Variants in NID2 observed in about 807,000 individuals in gnomAD.
NID2 encodes nidogen-2.
NID2 carries 83 observed loss-of-function variants against 145.4 expected under a neutral mutation model. That is an observed-to-expected ratio of 0.57 (90% CI 0.48 to 0.69). The LOEUF is 0.69. Among genes scored for constraint, NID2 ranks in the 30% least tolerant of loss-of-function variants. The probability of loss-of-function intolerance (pLI) is 0.00; values close to 1 mark genes in which losing one functional copy is unlikely to be tolerated. For synonymous variants in NID2, 739 were observed against 701.3 expected (o/e 1.05, Z -0.85); for missense variants, 1,807 against 1,765.7 (o/e 1.02, Z -0.42).
In NID2 at chr14:52,040,752, A is replaced by G. The variant is rs961614997; in HGVS notation, c.1925T>C (p.Leu642Pro). Reference protein sequence around the residue: ...TAEGLDPENYLSIKTNIQGQV... With the variant: ...TAEGLDPENYPSIKTNIQGQV... ...GCCTTGAATGTTGGTCTTAATGCTC[A>G]GGTAGTTCTCTGGGTCAAGTCCCTC... The change falls in exon 8 of 22, where the codon CTG becomes CCG. Residue 642 changes from leucine (L) to proline (P), a missense_variant. Physicochemically the swap from Leu to Pro is moderately conservative, Grantham distance 98 (BLOSUM62 -3). Coordinates refer to ENST00000216286, the MANE Select transcript of NID2 (RefSeq NM_007361.4). The G allele has an allele frequency of 1.3e-5, 21 of 1,614,204 alleles. No homozygotes were observed. The highest frequency in any genetic ancestry group is 1.7e-5 in the Non-Finnish European group (20 of 1,180,012).
chr14:52,059,189 T>C (rs1892948192), intron 3 of NID2, among the ~76,000 whole-genome samples: 1 of 152,180 alleles, frequency 6.6e-6, no homozygotes, highest in South Asian at 2.1e-4. Context: ...GGAAAGTGTT[T>C]AGCATGATGC....
chr14:52,031,012 A>AACCT (rs1223212191), intron 9 of NID2, among the ~76,000 whole-genome samples: 2 of 152,234 alleles, frequency 1.3e-5, no homozygotes, highest in African/African-American at 4.8e-5. Context: ...GAGGCCAAAT[A>AACCT]ACCTGCCCAG....
chr14:52,057,981 G>A (rs1238642181), intron 3 of NID2, among the ~76,000 whole-genome samples: 2 of 152,122 alleles, frequency 1.3e-5, no homozygotes, highest in Non-Finnish European at 2.9e-5. Flanking sequence ...CAGTAACTTT[G>A]ACAATCTGAA....
chr14:52,040,076 G>T lies in NID2; in HGVS notation c.2026+575C>A, dbSNP rs560990694. Among the ~76,000 whole-genome samples the T allele has an allele frequency of 2.0e-5, 3 of 152,306 alleles. No homozygotes were observed. In the East Asian group the frequency reaches 5.8e-4, roughly 29 times the overall value. On this transcript the variant is annotated intron_variant, in intron 8 of 21. Coordinates refer to ENST00000216286, the MANE Select transcript of NID2 (RefSeq NM_007361.4). Reference sequence around the variant, plus strand: ...CTGCCTCAGCCTCCCAAGTAGCTGGGATCGCAGGAGCGTGCCACCACACCC... The same window carrying T: ...CTGCCTCAGCCTCCCAAGTAGCTGGTATCGCAGGAGCGTGCCACCACACCC...
At chr14:52,037,913 C>T (rs1048149561) in intron 9 of NID2, among the ~76,000 whole-genome samples, 2 of 152,140 alleles carry the variant, frequency 1.3e-5, no homozygotes, top group African/African-American at 4.8e-5. Context: ...CTTTAGTTTG[C>T]TCATTGCTAC....
intron 16 of NID2, 26 bp downstream of exon 16, chr14:52,014,261 C>A: frequency 6.2e-7 from 1 of 1,614,106 alleles, no homozygotes; most frequent in Non-Finnish European, 8.5e-7. Context: ...CGCAGCCCTG[C>A]CCCCTACAGG....
chr14:52,057,615 T>C (rs1024509071), intron 3 of NID2, among the ~76,000 whole-genome samples: 1 of 145,248 alleles, frequency 6.9e-6, no homozygotes, highest in African/African-American at 2.6e-5. Flanking sequence ...GGCAGGAGAA[T>C]TGCTTGAACC....
In NID2 at chr14:52,053,835, G is replaced by T. The variant is rs781014471; in HGVS notation, c.1173C>A (p.Thr391=). 75 of 1,613,968 alleles carry T rather than the reference G, an allele frequency of 4.6e-5. No individual in the cohort carries two copies. The South Asian group carries it at 7.4e-4, about 16-fold the overall frequency. ...GQVEPWDERE[T]RSPAPPEVDR... ...CTACCTCTGGTGGAGCTGGGCTTCTGGTCTCTCTCTCATCCCAGGGCTCAA... is the reference window on the plus strand; with the variant it reads ...CTACCTCTGGTGGAGCTGGGCTTCTTGTCTCTCTCTCATCCCAGGGCTCAA... Residue 391 remains threonine (T), a synonymous_variant, in exon 5 of 22, where the codon ACC becomes ACA. Transcript: ENST00000216286.
At chr14:52,060,847 G>C (rs1393329307) in intron 2 of NID2, among the ~76,000 whole-genome samples, 1 of 152,174 alleles carries the variant, frequency 6.6e-6, no homozygotes, top group Non-Finnish European at 1.5e-5. Context: ...TTAGGCACTA[G>C]TTGGTCAAAA....
intron 2 of NID2, among the ~76,000 whole-genome samples, chr14:52,065,137 G>A (rs1008690513): frequency 2.0e-5 from 3 of 151,996 alleles, no homozygotes; most frequent in Non-Finnish European, 2.9e-5. Flanking sequence ...GCAATATCAG[G>A]TGCAACATCT....
intron 18 of NID2, 29 bp from the exon 19 acceptor site, chr14:52,007,996 G>C (rs1890857275): frequency 6.3e-7 from 1 of 1,583,132 alleles, no homozygotes. Flanking sequence ...GATTGTAAAA[G>C]AATAGCCATG....
intron 12 of NID2, among the ~76,000 whole-genome samples, chr14:52,026,455 T>C (rs1057290058): frequency 6.6e-6 from 1 of 152,180 alleles, no homozygotes; most frequent in African/African-American, 2.4e-5. Context: ...ACCCTAACTG[T>C]GTGTGTGTGA....
rs1890975970 is a variant in NID2 at position 52,010,614 on chromosome 14, T to A, written c.3722+262A>T. On this transcript the variant is annotated intron_variant, in intron 18 of 21. Coordinates refer to ENST00000216286, the MANE Select transcript of NID2 (RefSeq NM_007361.4). ...CTAGTTCTCACAACACTATCTGAAT[T>A]TTCTACATATCACATCACAGACTAA... The A allele has an allele frequency of 2.7e-5, 9 of 336,140 alleles. No homozygotes were observed. In the South Asian group the frequency reaches 4.4e-4, roughly 16 times the overall value. The allele number at this position is 336,140 out of a possible 1,614,324, so 20.8% of individuals were successfully genotyped here.
At chr14:52,016,807 A>T (rs1398567718) in intron 14 of NID2, among the ~76,000 whole-genome samples, 2 of 152,224 alleles carry the variant, frequency 1.3e-5, no homozygotes, top group Non-Finnish European at 2.9e-5. Flanking sequence ...CTAAAGAACA[A>T]AGCTGGGAGC....
intron 9 of NID2, among the ~76,000 whole-genome samples, chr14:52,033,804 A>C (rs2140387421): frequency 6.6e-6 from 1 of 152,324 alleles, no homozygotes; most frequent in Middle Eastern, 3.4e-3. Flanking sequence ...TAAAAGACAC[A>C]CATTGCCTCT....
intron 3 of NID2, 92 bp downstream of exon 3, chr14:52,060,032 T>C: frequency 1.2e-6 from 1 of 860,890 alleles, no homozygotes; most frequent in Non-Finnish European, 1.8e-6. Flanking sequence ...CACCAATATA[T>C]TATGTAATGG....
At chr14:52,052,144 G>A (rs371378764) in intron 5 of NID2, among the ~76,000 whole-genome samples, 164 of 152,310 alleles carry the variant, frequency 1.1e-3, no homozygotes, top group African/African-American at 3.5e-3. Flanking sequence ...GCCTTAAAAT[G>A]TATTTAGAGG....
chr14:52,013,655 G>A (rs1304509769), intron 16 of NID2, among the ~76,000 whole-genome samples: 3 of 151,972 alleles, frequency 2.0e-5, no homozygotes, highest in African/African-American at 4.8e-5. Flanking sequence ...CCCAAAATGG[G>A]GTGCCTTGCA....
At chr14:52,037,665 G>A (rs967648152) in intron 9 of NID2, among the ~76,000 whole-genome samples, 1 of 152,154 alleles carries the variant, frequency 6.6e-6, no homozygotes, top group Non-Finnish European at 1.5e-5. Flanking sequence ...TCTAGAATCA[G>A]CTTGCCAATT....
Sources: gnomAD v4.1 joint callset for allele counts (sites outside exome capture counted in the v4.1 genomes callset) on GRCh38, gnomAD v4.1.1 for gene constraint, MANE v1.5 for transcripts, NCBI Gene and HGNC (gene_info 2026-07-23, HGNC 2026-07-21) for gene names.